Variants in SOX5 observed in about 807,000 individuals in gnomAD.
SOX5 encodes SRY-box transcription factor 5.
A neutral mutation model predicts 92.0 loss-of-function variants in SOX5; 9 were observed. The observed-to-expected ratio is 0.10, with a 90% CI of 0.06 to 0.17. SOX5 has a LOEUF of 0.17. SOX5 is among the 10% of genes least tolerant of loss of function. The pLI is 1.00. For synonymous variants in SOX5, 344 were observed against 336.3 expected, an observed-to-expected ratio of 1.02 and a Z score of -0.25; for missense variants, 642 against 944.5, an observed-to-expected ratio of 0.68 and a Z score of 4.20.
At chr12:23,829,325 C>A (rs2096279048) in intron 3 of SOX5, among the ~76,000 whole-genome samples, 1 of 152,074 alleles carries the variant, frequency 6.6e-6, no homozygotes, top group Admixed American at 6.6e-5. Flanking sequence ...CAAAATCCTC[C>A]AGCTAGTCTT....
chr12:24,114,662 G>A (rs1180855277), intron 4 of SOX5, among the ~76,000 whole-genome samples: 1 of 150,852 alleles, frequency 6.6e-6, no homozygotes, highest in African/African-American at 2.4e-5. Flanking sequence ...CTAGGCATGG[G>A]CATAGGGGTT....
chr12:23,823,107 CCATTTA>C (rs1248803823), intron 3 of SOX5, among the ~76,000 whole-genome samples: 1 of 152,218 alleles, frequency 6.6e-6, no homozygotes, highest in Middle Eastern at 3.4e-3. Context: ...GCCATTTAGC[CCATTTA>C]CATTTAAAGT....
At chr12:23,578,703 C>T (rs1041513922) in intron 9 of SOX5, among the ~76,000 whole-genome samples, 1 of 152,090 alleles carries the variant, frequency 6.6e-6, no homozygotes, top group Non-Finnish European at 1.5e-5. Context: ...TCAATTAAGC[C>T]TAAATGTCCT....
At chr12:24,405,750 T>C (rs1962789516) in intron 1 of SOX5, among the ~76,000 whole-genome samples, 1 of 152,028 alleles carries the variant, frequency 6.6e-6, no homozygotes, top group African/African-American at 2.4e-5. Context: ...CTGAAACAAG[T>C]ATGAAATTTC....
chr12:24,095,047 C>G (rs777517385), intron 4 of SOX5, among the ~76,000 whole-genome samples: 8 of 150,140 alleles, frequency 5.3e-5, no homozygotes, highest in Non-Finnish European at 1.0e-4. Flanking sequence ...AAAGATTGTA[C>G]ATTACAAATC....
chr12:23,842,861 A>G (rs1325491703), intron 3 of SOX5, among the ~76,000 whole-genome samples: 2 of 152,152 alleles, frequency 1.3e-5, no homozygotes, highest in African/African-American at 2.4e-5. Flanking sequence ...ATAACTCCCT[A>G]TTCCGTAAGT....
chr12:24,457,891 A>C (rs1943190359), intron 1 of SOX5, among the ~76,000 whole-genome samples: 1 of 152,206 alleles, frequency 6.6e-6, no homozygotes, highest in African/African-American at 2.4e-5. Context: ...AAGATGAGAT[A>C]AAATGAAATG....
chr12:24,382,202 T>C (rs1258137408), intron 1 of SOX5, among the ~76,000 whole-genome samples: 3 of 152,100 alleles, frequency 2.0e-5, no homozygotes, highest in Admixed American at 6.5e-5. Context: ...AGCAAGTCTT[T>C]GGTAGTAGAA....
At chr12:24,472,173 C>G (rs1464479833) in intron 1 of SOX5, among the ~76,000 whole-genome samples, 5 of 152,062 alleles carry the variant, frequency 3.3e-5, no homozygotes, top group Non-Finnish European at 7.4e-5. Flanking sequence ...CAGACAAATG[C>G]CACTCAGACA....
chr12:23,576,181 G>A (rs1204674387), intron 9 of SOX5, among the ~76,000 whole-genome samples: 5 of 140,116 alleles, frequency 3.6e-5, no homozygotes, highest in African/African-American at 1.0e-4. Context: ...GAAATATGAT[G>A]TAGGTAGGTT....
At chr12:24,178,486 C>T (rs985874876) in intron 4 of SOX5, among the ~76,000 whole-genome samples, 4 of 152,072 alleles carry the variant, frequency 2.6e-5, no homozygotes, top group Admixed American at 2.6e-4. Context: ...CCAAGCAGAA[C>T]TGGGGAAGCT....
At chr12:24,056,590 G>A (rs1479770941) in intron 4 of SOX5, among the ~76,000 whole-genome samples, 1 of 152,106 alleles carries the variant, frequency 6.6e-6, no homozygotes, top group Non-Finnish European at 1.5e-5. Context: ...GCTTTGGGGA[G>A]GTGAGGTGCG....
chr12:23,965,287 C>G (rs1947423447), intron 4 of SOX5, among the ~76,000 whole-genome samples: 1 of 152,158 alleles, frequency 6.6e-6, no homozygotes, highest in Non-Finnish European at 1.5e-5. Flanking sequence ...GACCATGTGT[C>G]TGGGCACTCC....
intron 4 of SOX5, among the ~76,000 whole-genome samples, chr12:24,173,651 G>A (rs1954454410): frequency 6.6e-6 from 1 of 152,136 alleles, no homozygotes; most frequent in Non-Finnish European, 1.5e-5. Flanking sequence ...AATTGCCTGA[G>A]GAGTTCAGTA....
At chr12:23,808,283 T>C (rs1242600453) in intron 3 of SOX5, among the ~76,000 whole-genome samples, 5 of 152,260 alleles carry the variant, frequency 3.3e-5, no homozygotes, top group African/African-American at 1.2e-4. Context: ...CTTTGTAATG[T>C]CCCTTCCCAC....
chr12:23,603,302 A>G (rs961158884), intron 9 of SOX5, among the ~76,000 whole-genome samples: 1 of 151,156 alleles, frequency 6.6e-6, no homozygotes, highest in Non-Finnish European at 1.5e-5. Context: ...CTCTTTTAAT[A>G]TTTTCTAATC....
intron 3 of SOX5, among the ~76,000 whole-genome samples, chr12:23,829,050 G>A (rs1409231466): frequency 6.6e-6 from 1 of 151,890 alleles, no homozygotes; most frequent in Admixed American, 6.6e-5. Flanking sequence ...GGTGGCAAAG[G>A]AAATTCTGAG....
chr12:24,239,104 A>G (rs1965079717), intron 3 of SOX5, among the ~76,000 whole-genome samples: 1 of 152,216 alleles, frequency 6.6e-6, no homozygotes. Flanking sequence ...ATCCCAACAT[A>G]TCATCATTCA....
At chr12:23,885,889 A>G (rs955575913) in intron 2 of SOX5, among the ~76,000 whole-genome samples, 2 of 152,084 alleles carry the variant, frequency 1.3e-5, no homozygotes, top group Non-Finnish European at 2.9e-5. Flanking sequence ...ATGGCAAAAA[A>G]AAAAAAAAGA....
Sources: gnomAD v4.1 joint callset for allele counts (sites outside exome capture counted in the v4.1 genomes callset) on GRCh38, gnomAD v4.1.1 for gene constraint, MANE v1.5 for transcripts, NCBI Gene and HGNC (gene_info 2026-07-23, HGNC 2026-07-21) for gene names.